FBXO25: variants seen among roughly 807,000 people sequenced by gnomAD.
The protein encoded by FBXO25 is F-box protein 25.
Under a neutral mutation model 51.9 loss-of-function variants are expected in FBXO25, and 45 were observed. The ratio of observed to expected loss-of-function variants is 0.87; its 90% CI spans 0.68 to 1.11. The LOEUF is 1.11. FBXO25 is among the 50% of genes most tolerant of loss of function. FBXO25 has a pLI of 0.00. For missense variants in FBXO25, 507 were observed against 428.5 expected (o/e 1.18, Z -1.62); for synonymous variants, 199 against 151.0 (o/e 1.32, Z -2.33).
At chr8:447,084 G>A (rs1447170557) in intron 5 of FBXO25, among the ~76,000 whole-genome samples, 2 of 152,220 alleles carry the variant, frequency 1.3e-5, no homozygotes, top group African/African-American at 4.8e-5. Flanking sequence ...GTCAGGGCCA[G>A]GTCTAGAAGT....
intron 2 of FBXO25, among the ~76,000 whole-genome samples, chr8:429,787 C>G (rs1348420608): frequency 6.6e-6 from 1 of 152,220 alleles, no homozygotes; most frequent in Non-Finnish European, 1.5e-5. Flanking sequence ...TCTCTGAGCC[C>G]TACCACTGCC....
At chr8:445,084 G>T (rs189523692) in intron 5 of FBXO25, among the ~76,000 whole-genome samples, 211 of 152,104 alleles carry the variant, frequency 1.4e-3, no homozygotes, top group Admixed American at 3.0e-3. Context: ...ATTGTCTTTC[G>T]CCCTGTTATC....
chr8:462,901 TAAAA>T, intron 8 of FBXO25, 102 bp from the exon 9 acceptor site: 1 of 1,343,086 alleles, frequency 7.4e-7, no homozygotes, highest in Non-Finnish European at 1.0e-6. Context: ...TATTGAAGTT[TAAAA>T]AAAGAAATTA....
chr8:460,884 C>T (rs780673064), intron 8 of FBXO25, among the ~76,000 whole-genome samples: 4 of 152,178 alleles, frequency 2.6e-5, no homozygotes, highest in Non-Finnish European at 5.9e-5. Context: ...TCCTCATTGA[C>T]TCCACGATAA....
At position 413,180 on chromosome 8, in the gene FBXO25, G is replaced by T; in HGVS notation, c.101G>T (p.Arg34Ile). The part of the protein sequence containing the change: ...RCESCSQKLE[R>I]ENNRCNISHS... Reference sequence around the variant, plus strand: ...GAATCTTGTAGTCAGAAACTTGAAAGAGAGAATAACCGTTGTAACATCAGT... The same window carrying T: ...GAATCTTGTAGTCAGAAACTTGAAATAGAGAATAACCGTTGTAACATCAGT... Residue 34 changes from arginine to isoleucine, a missense_variant, in exon 2 of 10, where the codon AGA becomes ATA. Arg to Ile is a moderately conservative substitution (Grantham distance 97, BLOSUM62 -3). Coordinates refer to ENST00000350302, the MANE Select transcript of FBXO25 (RefSeq NM_183420.2). The T allele has an allele frequency of 6.2e-7, 1 of 1,609,226 alleles. No homozygotes were observed. The highest frequency in any genetic ancestry group is 8.5e-7 in the Non-Finnish European group (1 of 1,178,200).
intron 5 of FBXO25, among the ~76,000 whole-genome samples, chr8:442,689 T>TAG (rs1378210100): frequency 6.6e-6 from 1 of 152,066 alleles, no homozygotes; most frequent in Non-Finnish European, 1.5e-5. Context: ...AGGCTGGTCT[T>TAG]GAACTCCTGA....
chr8:438,245 G>T (rs1482396265), intron 5 of FBXO25, among the ~76,000 whole-genome samples: 1 of 152,110 alleles, frequency 6.6e-6, no homozygotes, highest in East Asian at 1.9e-4. Context: ...TTTTAGTAGA[G>T]ATGGGGTTTC....
intron 8 of FBXO25, among the ~76,000 whole-genome samples, chr8:460,461 A>C (rs1799738351): frequency 6.6e-6 from 1 of 152,258 alleles, no homozygotes; most frequent in Non-Finnish European, 1.5e-5. Context: ...CCTGAAAAAA[A>C]AAGCATATTA....
chr8:448,779 G>A (rs1279691555), intron 5 of FBXO25, among the ~76,000 whole-genome samples: 1 of 152,148 alleles, frequency 6.6e-6, no homozygotes, highest in Admixed American at 6.5e-5. Flanking sequence ...AAGTTGTAGA[G>A]GAGAGGGATG....
intron 1 of FBXO25, among the ~76,000 whole-genome samples, chr8:408,761 C>G (rs1796318724): frequency 6.6e-6 from 1 of 152,190 alleles, no homozygotes; most frequent in Non-Finnish European, 1.5e-5. Context: ...ATCCCACCCA[C>G]GTGTCCTACC....
chr8:417,036 C>T (rs192649433), intron 2 of FBXO25, among the ~76,000 whole-genome samples: 67 of 152,254 alleles, frequency 4.4e-4, no homozygotes, highest in Admixed American at 1.8e-3. Context: ...AGGGCCTCCC[C>T]GGCAGGGAAA....
At chr8:449,801 C>T (rs1798965392) in intron 5 of FBXO25, among the ~76,000 whole-genome samples, 189 bp from the exon 6 acceptor site, 1 of 152,174 alleles carries the variant, frequency 6.6e-6, no homozygotes, top group Admixed American at 6.5e-5. Flanking sequence ...GCCTCAGCTC[C>T]CTTGTATGAA....
At chr8:459,557 T>A (rs1367446082) in intron 8 of FBXO25, among the ~76,000 whole-genome samples, 1 of 152,092 alleles carries the variant, frequency 6.6e-6, no homozygotes, top group Non-Finnish European at 1.5e-5. Flanking sequence ...TACAAGAGGA[T>A]CCATGAGGAT....
At chr8:427,309 T>C (rs558512686) in intron 2 of FBXO25, among the ~76,000 whole-genome samples, 708 of 150,424 alleles carry the variant, frequency 4.7e-3, no homozygotes, top group African/African-American at 0.017. Context: ...GTGGGAATTA[T>C]CAGCAACTGT....
At chr8:415,461 T>C (rs1796739439) in intron 2 of FBXO25, among the ~76,000 whole-genome samples, 1 of 152,226 alleles carries the variant, frequency 6.6e-6, no homozygotes, top group Admixed American at 6.5e-5. Context: ...AGGATTCATC[T>C]TAACCCTGAC....
intron 9 of FBXO25, 21 bp downstream of exon 9, chr8:463,171 T>C (rs368895219): frequency 5.6e-6 from 9 of 1,601,332 alleles, no homozygotes; most frequent in African/African-American, 2.7e-5. Flanking sequence ...AAATGCACTC[T>C]TGGAATTTCA....
chr8:427,782 T>C lies in FBXO25; in HGVS notation c.135-3559T>C, dbSNP rs569204542. ...TGGTAACAAAAGTTTTGTGACATAT[T>C]TTACAGCAATATAGTTAAGAACTGA... On this transcript the variant is annotated intron_variant, in intron 2 of 9. Coordinates refer to ENST00000350302, the MANE Select transcript of FBXO25 (RefSeq NM_183420.2). 3.0e-3 allele frequency among the ~76,000 whole-genome samples: 452 copies of C among 150,476 alleles called. 13 individuals carry two copies. The highest frequency in any genetic ancestry group is 7.1e-3 in the African/African-American group (289 of 40,870).
intron 2 of FBXO25, among the ~76,000 whole-genome samples, chr8:426,545 A>C (rs539994670): frequency 2.0e-5 from 3 of 152,122 alleles, no homozygotes; most frequent in Non-Finnish European, 4.4e-5. Context: ...TGGTGCAGGT[A>C]GGGAGTGTGG....
intron 3 of FBXO25, 43 bp downstream of exon 3, chr8:431,487 T>C: frequency 5.0e-6 from 5 of 1,003,864 alleles, no homozygotes; most frequent in South Asian, 1.5e-5. Context: ...GTTGATTACG[T>C]TGAAATACTA....
Sources: allele counts gnomAD v4.1 joint callset (sites outside exome capture counted in the v4.1 genomes callset), GRCh38; gene constraint gnomAD v4.1.1; transcripts MANE v1.5; gene names NCBI Gene and HGNC (gene_info 2026-07-23, HGNC 2026-07-21).